Variants in PRKAR2B observed in about 807,000 individuals in gnomAD.
The protein encoded by PRKAR2B is cAMP-dependent protein kinase type II-beta regulatory subunit.
Under a neutral mutation model 49.9 loss-of-function variants are expected in PRKAR2B, and 14 were observed. The ratio of observed to expected loss-of-function variants is 0.28; its 90% confidence interval spans 0.19 to 0.44. The LOEUF (loss-of-function observed/expected upper bound fraction) is 0.44, where lower values mean the gene tolerates loss of function less well. Among genes scored for constraint, PRKAR2B ranks in the 20% least tolerant of loss-of-function variants. The probability of loss-of-function intolerance (pLI) is 1.00; values close to 1 mark genes in which losing one functional copy is unlikely to be tolerated. For missense variants in PRKAR2B, 393 were observed against 537.9 expected, an observed-to-expected ratio of 0.73 and a Z score of 2.67; for synonymous variants, 196 against 197.7, an observed-to-expected ratio of 0.99 and a Z score of 0.07.
intron 2 of PRKAR2B, among the ~76,000 whole-genome samples, chr7:107,109,541 C>T (rs1795136122): frequency 6.6e-6 from 1 of 151,854 alleles, no homozygotes; most frequent in Non-Finnish European, 1.5e-5. Flanking sequence ...GAACTACAGA[C>T]ATGAGCCACT....
chr7:107,100,479 A>G (rs1794938778), intron 2 of PRKAR2B, among the ~76,000 whole-genome samples: 1 of 152,142 alleles, frequency 6.6e-6, no homozygotes, highest in Non-Finnish European at 1.5e-5. Context: ...TATGGATTTC[A>G]TTGTGTTTAT....
At chr7:107,117,163 C>CTTTT (rs1349946928) in intron 2 of PRKAR2B, among the ~76,000 whole-genome samples, 1 of 150,450 alleles carries the variant, frequency 6.6e-6, no homozygotes. Flanking sequence ...TACAGTAAGT[C>CTTTT]TTTTTGCCCC....
At chr7:107,053,567 TGTC>T (rs1793852042) in intron 1 of PRKAR2B, among the ~76,000 whole-genome samples, 105 of 151,088 alleles carry the variant, frequency 6.9e-4, no homozygotes, top group African/African-American at 2.4e-3. Flanking sequence ...TGTGTGTGTG[TGTC>T]TTTTTTAAAA....
intron 2 of PRKAR2B, among the ~76,000 whole-genome samples, chr7:107,118,501 T>C (rs1165256539): frequency 1.3e-5 from 2 of 149,658 alleles, no homozygotes; most frequent in South Asian, 2.1e-4. Context: ...GCCAAGTCAG[T>C]GCTAGGGAAA....
At chr7:107,156,092 C>T (rs62483619) in intron 8 of PRKAR2B, among the ~76,000 whole-genome samples, 30,412 of 151,962 alleles carry the variant, frequency 0.2, 3,478 homozygotes, top group East Asian at 0.38. Flanking sequence ...ACATCACACA[C>T]CGGGGCCTGT....
At chr7:107,081,938 C>T (rs1340784319) in intron 2 of PRKAR2B, 3 of 152,114 alleles carry the variant, frequency 2.0e-5, no homozygotes, top group Non-Finnish European at 1.5e-5. Flanking sequence ...GTTATAGCTC[C>T]CCTTTAAAAA....
intron 3 of PRKAR2B, among the ~76,000 whole-genome samples, chr7:107,126,396 G>A (rs1795492817): frequency 7.3e-6 from 1 of 136,838 alleles, no homozygotes; most frequent in Non-Finnish European, 1.6e-5. Context: ...ACTCCAGCCT[G>A]GGCAACAGAG....
At chr7:107,154,237 C>T (rs1584456780) in intron 8 of PRKAR2B, among the ~76,000 whole-genome samples, 2 of 152,252 alleles carry the variant, frequency 1.3e-5, no homozygotes, top group Admixed American at 6.5e-5. Context: ...TATAGATTCA[C>T]AGGAAGTTGC....
intron 2 of PRKAR2B, among the ~76,000 whole-genome samples, chr7:107,088,093 T>C (rs1271406159): frequency 6.6e-6 from 1 of 152,158 alleles, no homozygotes; most frequent in Non-Finnish European, 1.5e-5. Context: ...ACTATTATTA[T>C]TTCCGTTTTA....
At chr7:107,052,656 T>C (rs1036599397) in intron 1 of PRKAR2B, among the ~76,000 whole-genome samples, 2 of 152,182 alleles carry the variant, frequency 1.3e-5, no homozygotes, top group South Asian at 2.1e-4. Context: ...AGTAATTCTT[T>C]TAGCAGTAAC....
intron 1 of PRKAR2B, among the ~76,000 whole-genome samples, chr7:107,052,287 C>CA (rs1446609476): frequency 6.6e-6 from 1 of 151,996 alleles, no homozygotes; most frequent in Non-Finnish European, 1.5e-5. Context: ...GGCGTGGTGG[C>CA]GGGCGCCTTA....
At position 107,119,030 on chromosome 7, in the gene PRKAR2B, A is replaced by C. The variant is rs77760402; in HGVS notation, c.344-2922A>C. Among the ~76,000 whole-genome samples, 356 of 152,356 alleles carry C rather than the reference A, an allele frequency of 2.3e-3. 3 individuals carry two copies. The East Asian group carries it at 0.032, about 14-fold the overall frequency. On this transcript the variant is annotated intron_variant, in intron 2 of 10. Transcript: ENST00000265717. ...CACTATGTGATAAAGTGGGTATCACAAATCAACAGGGTGTTAAGTAATAAT... is the reference window on the plus strand; with the variant it reads ...CACTATGTGATAAAGTGGGTATCACCAATCAACAGGGTGTTAAGTAATAAT...
chr7:107,097,643 G>C (rs1794870327), intron 2 of PRKAR2B, among the ~76,000 whole-genome samples: 1 of 152,158 alleles, frequency 6.6e-6, no homozygotes, highest in Non-Finnish European at 1.5e-5. Flanking sequence ...TGCAGTGGCT[G>C]GTACCAGTTG....
At chr7:107,149,247 A>C (rs1204235436) in intron 6 of PRKAR2B, among the ~76,000 whole-genome samples, 1 of 152,174 alleles carries the variant, frequency 6.6e-6, no homozygotes, top group Non-Finnish European at 1.5e-5. Context: ...ATTTTCTTTT[A>C]AAAAAAGTAT....
chr7:107,138,148 A>C (rs1342084799), intron 4 of PRKAR2B, among the ~76,000 whole-genome samples: 2 of 152,168 alleles, frequency 1.3e-5, no homozygotes, highest in Admixed American at 1.3e-4. Context: ...TACCTTTAAA[A>C]AAATTGTAAT....
chr7:107,085,441 A>C (rs866785317), intron 2 of PRKAR2B, among the ~76,000 whole-genome samples: 4 of 152,210 alleles, frequency 2.6e-5, no homozygotes, highest in Non-Finnish European at 5.9e-5. Flanking sequence ...AGTTGTGATT[A>C]GTATATGCAT....
intron 2 of PRKAR2B, chr7:107,091,890 G>A (rs771352176): frequency 6.6e-6 from 1 of 152,134 alleles, no homozygotes; most frequent in South Asian, 2.1e-4. Flanking sequence ...AATAAGGTGC[G>A]TTCTGTGTTT....
At chr7:107,089,647 G>C (rs1794682716) in intron 2 of PRKAR2B, among the ~76,000 whole-genome samples, 1 of 152,130 alleles carries the variant, frequency 6.6e-6, no homozygotes, top group African/African-American at 2.4e-5. Context: ...TATTTATAAA[G>C]AAATACCAGG....
chr7:107,090,849 C>G (rs1023067759), intron 2 of PRKAR2B, among the ~76,000 whole-genome samples: 1 of 152,136 alleles, frequency 6.6e-6, no homozygotes, highest in African/African-American at 2.4e-5. Context: ...CAGGAAATAA[C>G]AATACTAGAC....
Sources: allele counts gnomAD v4.1 joint callset (sites outside exome capture counted in the v4.1 genomes callset), GRCh38; gene constraint gnomAD v4.1.1; transcripts MANE v1.5; gene names NCBI Gene and HGNC (gene_info 2026-07-23, HGNC 2026-07-21).